Variants in AGBL4 observed in about 807,000 individuals in gnomAD.
The protein encoded by AGBL4 is cytosolic carboxypeptidase 6.
A neutral mutation model predicts 66.4 loss-of-function variants in AGBL4; 58 were observed. The observed-to-expected ratio is 0.87, with a 90% CI of 0.71 to 1.09. The LOEUF (loss-of-function observed/expected upper bound fraction) is 1.09. AGBL4 is among the 50% of genes least tolerant of loss of function. The pLI is 0.00. For missense variants in AGBL4, 579 were observed against 631.0 expected, an observed-to-expected ratio of 0.92 and a Z score of 0.88; for synonymous variants, 234 against 222.9, an observed-to-expected ratio of 1.05 and a Z score of -0.44.
chr1:49,369,260 C>G (rs1050047432), intron 3 of AGBL4, among the ~76,000 whole-genome samples: 2 of 152,114 alleles, frequency 1.3e-5, no homozygotes, highest in Non-Finnish European at 2.9e-5. Context: ...CTTTAGATAT[C>G]TTTAGAAATC....
rs1645739675 is a variant in AGBL4 at position 48,640,647 on chromosome 1, T to C, written c.840-6043A>G. Among the ~76,000 whole-genome samples, 4 of 152,336 alleles carry C rather than the reference T, an allele frequency of 2.6e-5. No homozygotes were observed. In the South Asian group the frequency reaches 8.3e-4, roughly 32 times the overall value. On this transcript the variant is annotated intron_variant, in intron 8 of 13. Transcript: ENST00000371839. ...CTTGACAATTAGTAAGATATAGACC[T>C]GGGATTTGAACCCAGGTCTTGTTGA...
intron 9 of AGBL4, among the ~76,000 whole-genome samples, chr1:48,591,976 T>C (rs1306751543): frequency 6.6e-6 from 1 of 152,176 alleles, no homozygotes; most frequent in African/African-American, 2.4e-5. Context: ...TTGCTCCACA[T>C]ACTGTAATGG....
intron 3 of AGBL4, among the ~76,000 whole-genome samples, chr1:49,589,480 C>T (rs1644713312): frequency 1.3e-5 from 2 of 151,872 alleles, no homozygotes; most frequent in Non-Finnish European, 2.9e-5. Context: ...TCCACAGAGA[C>T]CAAAAAGCAG....
chr1:49,732,659 A>AGT (rs980084090), intron 2 of AGBL4, among the ~76,000 whole-genome samples: 1 of 152,188 alleles, frequency 6.6e-6, no homozygotes, highest in Non-Finnish European at 1.5e-5. Flanking sequence ...AAGGATAAAC[A>AGT]GTAGATTTGA....
At chr1:48,545,845 G>A (rs946361619) in intron 11 of AGBL4, among the ~76,000 whole-genome samples, 6 of 152,132 alleles carry the variant, frequency 3.9e-5, no homozygotes, top group Non-Finnish European at 7.4e-5. Flanking sequence ...ATTTAATGAG[G>A]TCCTTCAACA....
intron 4 of AGBL4, among the ~76,000 whole-genome samples, chr1:49,114,199 C>A (rs914953262): frequency 2.6e-5 from 4 of 152,220 alleles, no homozygotes; most frequent in Non-Finnish European, 2.9e-5. Flanking sequence ...TTAGCTAGAT[C>A]TTTTGGATAA....
chr1:48,694,430 T>C (rs1398012115), intron 6 of AGBL4, among the ~76,000 whole-genome samples: 1 of 152,198 alleles, frequency 6.6e-6, no homozygotes, highest in Non-Finnish European at 1.5e-5. Flanking sequence ...AGTATTGCCG[T>C]TCTTGATCAC....
chr1:48,927,043 G>A (rs1654636327), intron 5 of AGBL4, among the ~76,000 whole-genome samples: 1 of 151,962 alleles, frequency 6.6e-6, no homozygotes, highest in African/African-American at 2.4e-5. Flanking sequence ...GCCTTTGTCT[G>A]TATCATTATG....
intron 2 of AGBL4, among the ~76,000 whole-genome samples, chr1:49,746,691 T>A (rs1233990550): frequency 6.6e-6 from 1 of 152,058 alleles, no homozygotes; most frequent in African/African-American, 2.4e-5. Context: ...GGTAAGCCAA[T>A]GGCTAATACA....
chr1:49,107,389 T>C (rs1280738382), intron 4 of AGBL4, among the ~76,000 whole-genome samples: 1 of 152,162 alleles, frequency 6.6e-6, no homozygotes, highest in Non-Finnish European at 1.5e-5. Context: ...CAACTTACAA[T>C]AGGTTTATGG....
intron 3 of AGBL4, among the ~76,000 whole-genome samples, chr1:49,261,002 A>G (rs1410412255): frequency 2.6e-5 from 4 of 151,768 alleles, no homozygotes; most frequent in African/African-American, 9.7e-5. Flanking sequence ...GGCTGGTTCA[A>G]TATATGCCAA....
rs537557633 is a variant in AGBL4, at chr1:48,597,200, AT to A, written c.952-6216del. Among the ~76,000 whole-genome samples the A allele has an allele frequency of 5.9e-5, 9 of 152,332 alleles. No homozygotes were observed. The East Asian group carries it at 7.7e-4, about 13-fold the overall frequency. On this transcript the variant is annotated intron_variant, in intron 9 of 13. Transcript: ENST00000371839. ...CTGGAATCTCACAGATTTAAAAAAA[AT>A]ATCCTTCTGTTAAGGTATTTATCAT...
chr1:49,030,679 C>T (rs909735339), intron 5 of AGBL4, among the ~76,000 whole-genome samples: 23 of 151,948 alleles, frequency 1.5e-4, no homozygotes, highest in African/African-American at 4.8e-4. Context: ...AGTTTCATCC[C>T]GAAACCACCC....
At chr1:49,426,373 C>A (rs1268432439) in intron 3 of AGBL4, among the ~76,000 whole-genome samples, 1 of 152,116 alleles carries the variant, frequency 6.6e-6, no homozygotes, top group African/African-American at 2.4e-5. Context: ...TGAATATCAC[C>A]CTGGATGCAA....
intron 4 of AGBL4, among the ~76,000 whole-genome samples, chr1:49,190,311 A>G (rs924132638): frequency 4.6e-5 from 7 of 152,186 alleles, no homozygotes; most frequent in Non-Finnish European, 8.8e-5. Flanking sequence ...TTGTCTCCTC[A>G]GGGCCTGCAG....
At chr1:48,949,038 T>G (rs1224300789) in intron 5 of AGBL4, among the ~76,000 whole-genome samples, 1 of 152,144 alleles carries the variant, frequency 6.6e-6, no homozygotes, top group Non-Finnish European at 1.5e-5. Context: ...CATACCAGAA[T>G]TTATACAGAA....
intron 5 of AGBL4, among the ~76,000 whole-genome samples, chr1:49,034,860 G>A (rs1282221003): frequency 6.6e-6 from 1 of 152,048 alleles, no homozygotes; most frequent in East Asian, 1.9e-4. Context: ...CCAGTCTTGG[G>A]TATGTCTTTA....
At chr1:49,340,673 G>A (rs543446636) in intron 3 of AGBL4, among the ~76,000 whole-genome samples, 9 of 152,262 alleles carry the variant, frequency 5.9e-5, no homozygotes, top group African/African-American at 1.9e-4. Context: ...AAGTCCTAAT[G>A]TCAGAGACTT....
At chr1:49,089,744 A>G (rs1448917018) in intron 4 of AGBL4, among the ~76,000 whole-genome samples, 1 of 152,120 alleles carries the variant, frequency 6.6e-6, no homozygotes, top group Non-Finnish European at 1.5e-5. Flanking sequence ...AACTCATTCT[A>G]TGAGGCCAGC....
Sources: allele counts gnomAD v4.1 joint callset (sites outside exome capture counted in the v4.1 genomes callset), GRCh38; gene constraint gnomAD v4.1.1; transcripts MANE v1.5; gene names NCBI Gene and HGNC (gene_info 2026-07-23, HGNC 2026-07-21).